HECW2: variants seen among roughly 807,000 people sequenced by gnomAD.
HECW2 encodes HECT, C2 and WW domain containing E3 ubiquitin protein ligase 2.
HECW2 carries 61 observed loss-of-function variants against 175.2 expected under a neutral mutation model. The observed-to-expected ratio is 0.35, with a 90% CI of 0.28 to 0.43. The LOEUF (loss-of-function observed/expected upper bound fraction) is 0.43. HECW2 is among the 20% of genes least tolerant of loss of function. HECW2 has a pLI of 1.00. For missense variants in HECW2, 1,524 were observed against 2,000.5 expected (o/e 0.76, Z 4.54); for synonymous variants, 671 against 731.0 (o/e 0.92, Z 1.32).
chr2:196,237,369 A>G (rs1173550802), intron 21 of HECW2, among the ~76,000 whole-genome samples: 2 of 152,086 alleles, frequency 1.3e-5, no homozygotes, highest in African/African-American at 4.8e-5. Context: ...AAGTCCCAAA[A>G]GTTCAATGTA....
intron 3 of HECW2, among the ~76,000 whole-genome samples, chr2:196,335,376 G>T (rs1436622525): frequency 1.3e-5 from 2 of 152,216 alleles, no homozygotes; most frequent in Non-Finnish European, 2.9e-5. Flanking sequence ...AGTCACTGAA[G>T]TGTCACTGCG....
chr2:196,583,777 T>C (rs116285125), intron 1 of HECW2, among the ~76,000 whole-genome samples: 1,984 of 152,342 alleles, frequency 0.013, 16 homozygotes, highest in Non-Finnish European at 0.018. Context: ...CATTAGGCAT[T>C]GGTTATTGAA....
At chr2:196,545,157 T>A (rs750535245) in intron 1 of HECW2, among the ~76,000 whole-genome samples, 35 of 152,208 alleles carry the variant, frequency 2.3e-4, no homozygotes, top group Admixed American at 6.5e-4. Flanking sequence ...AAACCTGCAA[T>A]GTCTGCCTAT....
intron 2 of HECW2, among the ~76,000 whole-genome samples, chr2:196,369,601 C>T (rs1693851047): frequency 6.6e-6 from 1 of 151,962 alleles, no homozygotes; most frequent in African/African-American, 2.4e-5. Flanking sequence ...TGTGTCTTTC[C>T]CTTCAGGGCA....
Position 196,502,171 on chromosome 2 carries a change from TAC to T in HECW2, c.-35-68715_-35-68714del, listed in dbSNP as rs540263337. On this transcript the variant is annotated intron_variant, in intron 1 of 28. Transcript: ENST00000644978. ...TAATATTCTCATTTTGCTGAAAACA[TAC>T]AGTCTCAATCAACAACAATTACAAC... 1.1e-3 allele frequency among the ~76,000 whole-genome samples: 160 copies of T among 152,352 alleles called. 1 individual carries two copies. Among genetic ancestry groups the T allele is most frequent in the African/African-American group, 3.6e-3 (151 of 41,584 alleles).
At chr2:196,452,063 C>T (rs1696364717) in intron 1 of HECW2, among the ~76,000 whole-genome samples, 1 of 151,972 alleles carries the variant, frequency 6.6e-6, no homozygotes, top group African/African-American at 2.4e-5. Flanking sequence ...ACCAATAGGC[C>T]CAATTCAGGA....
At chr2:196,448,924 TG>T (rs2125303811) in intron 1 of HECW2, among the ~76,000 whole-genome samples, 1 of 152,216 alleles carries the variant, frequency 6.6e-6, no homozygotes, top group African/African-American at 2.4e-5. Context: ...ATCCATTTTT[TG>T]GGGGAAAAAA....
At chr2:196,278,133 A>AAAAAAAAATATATATATATATATAT in intron 15 of HECW2, among the ~76,000 whole-genome samples, 1 of 66,570 alleles carries the variant, frequency 1.5e-5, no homozygotes, top group East Asian at 1.0e-3. Flanking sequence ...ATAATTAAAA[A>AAAAAAAAATATATATATATATATAT]ATATATATAT....
At chr2:196,457,457 CA>C (rs1696558236) in intron 1 of HECW2, among the ~76,000 whole-genome samples, 1 of 152,196 alleles carries the variant, frequency 6.6e-6, no homozygotes, top group Admixed American at 6.5e-5. Context: ...AATATTTTAG[CA>C]TATGAAAGAT....
intron 3 of HECW2, among the ~76,000 whole-genome samples, chr2:196,341,612 C>T (rs1692754733): frequency 6.6e-6 from 1 of 152,222 alleles, no homozygotes; most frequent in Non-Finnish European, 1.5e-5. Context: ...ATATGCTGTG[C>T]TATTAGCTAG....
At chr2:196,226,140 G>A (rs1575251735) in intron 22 of HECW2, among the ~76,000 whole-genome samples, 1 of 152,124 alleles carries the variant, frequency 6.6e-6, no homozygotes. Flanking sequence ...GGATCATGGA[G>A]GCTGATCCCT....
chr2:196,485,018 G>A (rs945868776), intron 1 of HECW2, among the ~76,000 whole-genome samples: 1 of 152,202 alleles, frequency 6.6e-6, no homozygotes, highest in Non-Finnish European at 1.5e-5. Context: ...GGAGAGCAGG[G>A]GAGAAGAGGA....
intron 2 of HECW2, among the ~76,000 whole-genome samples, chr2:196,400,191 T>G (rs760592534): frequency 6.6e-6 from 1 of 152,220 alleles, no homozygotes; most frequent in Non-Finnish European, 1.5e-5. Context: ...TAAAAAAGCA[T>G]GTGGTGCCTT....
At chr2:196,393,600 T>G (rs543806867) in intron 2 of HECW2, among the ~76,000 whole-genome samples, 27 of 152,158 alleles carry the variant, frequency 1.8e-4, no homozygotes, top group Admixed American at 1.2e-3. Context: ...AAAACCACAA[T>G]GAGATACCAT....
At chr2:196,495,439 T>C (rs1018553565) in intron 1 of HECW2, among the ~76,000 whole-genome samples, 3 of 152,108 alleles carry the variant, frequency 2.0e-5, no homozygotes, top group Non-Finnish European at 4.4e-5. Context: ...AAAAATACCA[T>C]AATATACTGT....
intron 2 of HECW2, among the ~76,000 whole-genome samples, chr2:196,368,065 G>A (rs1311603829): frequency 1.3e-5 from 2 of 151,908 alleles, no homozygotes; most frequent in Non-Finnish European, 2.9e-5. Context: ...CTTGGCTATT[G>A]TGAACAGTGC....
In HECW2 at chr2:196,318,564, C is replaced by T. The variant is rs1158110899; in HGVS notation, c.2326G>A (p.Gly776Ser). The change falls in exon 9 of 29, where the codon GGC becomes AGC. Residue 776 changes from glycine to serine, a missense_variant. Around this residue, in one of 11 missense-constraint regions of HECW2, gnomAD observed 604 missense variants for 588.3 expected, o/e 1.03. Coordinates refer to ENST00000644978, the MANE Select transcript of HECW2 (RefSeq NM_001348768.2). Reference sequence around the variant, plus strand: ...GTCCATATCCTACCTCCAGTAGCGCCCTCCTCCTGGGCAGTTGCCCCTTCA... The same window carrying T: ...GTCCATATCCTACCTCCAGTAGCGCTCTCCTCCTGGGCAGTTGCCCCTTCA... ...TCEGATAQEE[G>S]ATGGSQANGH... The T allele has an allele frequency of 1.3e-6, 2 of 1,513,750 alleles. No individual in the cohort carries two copies. Among genetic ancestry groups the T allele is most frequent in the South Asian group, 2.7e-5 (2 of 74,084 alleles). 93.8% of individuals were successfully genotyped at this position (1,513,750 alleles called of 1,614,324 possible). A position where few individuals can be genotyped will look rare whatever the true frequency, so the allele number is the denominator to read the frequency against.
intron 1 of HECW2, among the ~76,000 whole-genome samples, chr2:196,447,854 G>C (rs1366696468): frequency 6.6e-6 from 1 of 152,100 alleles, no homozygotes; most frequent in African/African-American, 2.4e-5. Context: ...TCAGGAGTTC[G>C]AGCCAAGCCT....
intron 10 of HECW2, 48 bp downstream of exon 10, chr2:196,317,226 C>A (rs201670767): frequency 2.4e-3 from 3,391 of 1,395,666 alleles, no homozygotes; most frequent in Non-Finnish European, 3.2e-3. Context: ...TGCCTGTCAC[C>A]TTTCACCGTT....
Sources: gnomAD v4.1 joint callset for allele counts (sites outside exome capture counted in the v4.1 genomes callset) on GRCh38, gnomAD v4.1.1 for gene constraint, gnomAD v4.1.1 regional missense constraint, MANE v1.5 for transcripts, NCBI Gene and HGNC (gene_info 2026-07-23, HGNC 2026-07-21) for gene names.